Variants in MORN1 observed in about 807,000 individuals in gnomAD.
MORN1 encodes MORN repeat-containing protein 1.
A neutral mutation model predicts 61.9 loss-of-function variants in MORN1; 67 were observed. The ratio of observed to expected loss-of-function variants is 1.08; its 90% CI spans 0.89 to 1.33. The LOEUF is 1.33. MORN1 is among the 40% of genes most tolerant of loss of function. The pLI is 0.00. For missense variants in MORN1, 752 were observed against 691.2 expected, an observed-to-expected ratio of 1.09 and a Z score of -0.99; for synonymous variants, 301 against 292.0, an observed-to-expected ratio of 1.03 and a Z score of -0.31.
At chr1:2,362,447 T>C (rs1403818944) in intron 8 of MORN1, among the ~76,000 whole-genome samples, 1 of 151,636 alleles carries the variant, frequency 6.6e-6, no homozygotes, top group African/African-American at 2.4e-5. Context: ...TGTACAGCTA[T>C]AGAAGCCATC....
chr1:2,343,333 G>T (rs1321361328), intron 10 of MORN1, among the ~76,000 whole-genome samples: 1 of 152,166 alleles, frequency 6.6e-6, no homozygotes, highest in African/African-American at 2.4e-5. Flanking sequence ...CCACAAAGCT[G>T]TCTGTGTAGC....
Position 2,382,795 on chromosome 1 carries a change from G to A in MORN1, c.537+2183C>T, listed in dbSNP as rs189128311. Among the ~76,000 whole-genome samples, 14 of 152,322 alleles carry A rather than the reference G, an allele frequency of 9.2e-5. No individual in the cohort carries two copies. In the East Asian group the frequency reaches 1.5e-3, roughly 17 times the overall value. On this transcript the variant is annotated intron_variant, in intron 6 of 13. Coordinates refer to ENST00000378531, the MANE Select transcript of MORN1 (RefSeq NM_024848.3). The stretch of plus-strand genomic sequence containing the variant: ...AGCCCAGGCCAGCAGGGGCAGCAAC[G>A]ACGCTGACATGGGCTCCCGTGGTCC...
intron 10 of MORN1, among the ~76,000 whole-genome samples, chr1:2,348,532 C>T (rs1254158712): frequency 6.6e-6 from 1 of 152,200 alleles, no homozygotes; most frequent in Non-Finnish European, 1.5e-5. Context: ...GTGTCCGCTC[C>T]TGCCTGCTGG....
chr1:2,324,069 G>T (rs762877545), intron 13 of MORN1, 28 bp downstream of exon 13: 1 of 1,583,576 alleles, frequency 6.3e-7, no homozygotes, highest in African/African-American at 1.3e-5. Context: ...GGCACAGCCG[G>T]CGATGGACTT....
intron 13 of MORN1, chr1:2,323,102 C>T (rs1040281322): frequency 2.4e-5 from 24 of 985,420 alleles, no homozygotes; most frequent in Middle Eastern, 1.0e-3. Context: ...CGATTCCTGT[C>T]ACTGCAGAGA....
At chr1:2,355,124 T>G in intron 10 of MORN1, 1 of 1,072,758 alleles carries the variant, frequency 9.3e-7, no homozygotes, top group South Asian at 3.2e-5. Context: ...ACGAGGCTGG[T>G]TTCAATCGAG....
chr1:2,362,818 C>T (rs970889126), intron 8 of MORN1, among the ~76,000 whole-genome samples: 3 of 151,914 alleles, frequency 2.0e-5, no homozygotes, highest in South Asian at 2.1e-4. Flanking sequence ...GAGCCGAGAT[C>T]GCGCCATTGC....
At chr1:2,375,039 C>A (rs933401141) in intron 6 of MORN1, 1 of 153,098 alleles carries the variant, frequency 6.5e-6, no homozygotes, top group African/African-American at 2.4e-5. Flanking sequence ...AAAATGTGCC[C>A]GTGAGCTTGG....
Position 2,321,429 on chromosome 1 carries a change from C to A in MORN1, c.1448G>T (p.Trp483Leu). The A allele has an allele frequency of 1.3e-6, 2 of 1,541,278 alleles. No individual in the cohort carries two copies. The highest frequency in any genetic ancestry group is 2.4e-5 in the South Asian group (2 of 83,458). Residue 483 changes from tryptophan to leucine, a missense_variant, in exon 14 of 14, where the codon TGG (tryptophan) becomes TTG (leucine). Transcript: ENST00000378531. ...TGGGGTGCAGCTGTGGGCGGCCTGC[C>A]AGCTGCTTGAGGCTTCAGGGCCTTC... is the stretch of plus-strand genomic sequence containing the variant. ...LEEGPEASSS[W>L]QAAHSCTPEP...
At chr1:2,336,875 C>T (rs763687763) in intron 10 of MORN1, 25 bp from the exon 11 acceptor site, 2 of 1,530,884 alleles carry the variant, frequency 1.3e-6, no homozygotes, top group South Asian at 2.6e-5. Flanking sequence ...TGAAGAAAGA[C>T]CCTATGAGGG....
At chr1:2,323,682 C>A in intron 13 of MORN1, 2 of 985,254 alleles carry the variant, frequency 2.0e-6, no homozygotes, top group Non-Finnish European at 2.4e-6. Context: ...AGGAGCCTTC[C>A]GCCCAGCCCA....
chr1:2,349,428 G>A (rs899943438), intron 10 of MORN1, among the ~76,000 whole-genome samples: 3 of 152,222 alleles, frequency 2.0e-5, no homozygotes, highest in Non-Finnish European at 4.4e-5. Flanking sequence ...TCCCTGCTTA[G>A]TTTTAGCCAC....
intron 6 of MORN1, among the ~76,000 whole-genome samples, chr1:2,382,920 A>G (rs1349971437): frequency 6.6e-6 from 1 of 152,102 alleles, no homozygotes; most frequent in African/African-American, 2.4e-5. Flanking sequence ...CTGTTTCAAG[A>G]GCAGGGAGGG....
rs372417316 is a variant in MORN1 at position 2,321,392 on chromosome 1, C to A, written c.1485G>T (p.Ala495=). 43 of 1,524,542 alleles carry A rather than the reference C, an allele frequency of 2.8e-5. No individual in the cohort carries two copies. Among genetic ancestry groups the A allele is most frequent in the Non-Finnish European group, 3.7e-5 (42 of 1,135,928 alleles). 94.4% of individuals were successfully genotyped at this position (1,524,542 alleles called of 1,614,324 possible). ...CTGTGGACACGGGGCCTCACCGAGGCGCTGGCGGCTCTGGGGTGCAGCTGT... is the reference window on the plus strand; with the variant it reads ...CTGTGGACACGGGGCCTCACCGAGGAGCTGGCGGCTCTGGGGTGCAGCTGT... ...AAHSCTPEPP[A]PR Residue 495 remains alanine (A), a synonymous_variant, in exon 14 of 14, where the codon GCG becomes GCT. Transcript: ENST00000378531.
At chr1:2,369,899 C>T (rs1308834411) in intron 8 of MORN1, among the ~76,000 whole-genome samples, 1 of 152,216 alleles carries the variant, frequency 6.6e-6, no homozygotes, top group African/African-American at 2.4e-5. Context: ...GGTAAGATTT[C>T]ATCTGGACAT....
At chr1:2,340,626 G>A (rs1641375234) in intron 10 of MORN1, among the ~76,000 whole-genome samples, 1 of 152,220 alleles carries the variant, frequency 6.6e-6, no homozygotes, top group African/African-American at 2.4e-5. Context: ...GCACATGGAG[G>A]ACTCAAGGCA....
At chr1:2,370,716 C>T (rs1385399265) in intron 8 of MORN1, among the ~76,000 whole-genome samples, 1 of 150,688 alleles carries the variant, frequency 6.6e-6, no homozygotes, top group Non-Finnish European at 1.5e-5. Context: ...CCCTCTGTCA[C>T]CCAGGCTAGA....
chr1:2,359,220 G>A lies in MORN1; in HGVS notation c.746-505C>T, dbSNP rs912810346. Among the ~76,000 whole-genome samples the A allele has an allele frequency of 4.6e-5, 7 of 152,048 alleles. 1 individual carries two copies. The highest frequency in any genetic ancestry group is 3.9e-4 in the Admixed American group (6 of 15,278). On this transcript the variant is annotated intron_variant, in intron 8 of 13. Coordinates refer to ENST00000378531, the MANE Select transcript of MORN1 (RefSeq NM_024848.3). The stretch of plus-strand genomic sequence containing the variant: ...CACCCTGGCAGATAGCAGGCTCTCC[G>A]TGCCCATCTCCCACCTTGACCCGGG...
In MORN1 at chr1:2,391,498, G is replaced by A; in HGVS notation, c.36C>T (p.Arg12=). Reference sequence around the variant, plus strand: ...GCCTAGGCGGGTCCCGACGCGGCCCGCGGGAGCTCGGGGTGCCCTCGCCCG... The same window carrying A: ...GCCTAGGCGGGTCCCGACGCGGCCCACGGGAGCTCGGGGTGCCCTCGCCCG... The part of the protein sequence containing the change: ...AAAGEGTPSS[R]GPRRDPPRRP... Residue 12 remains arginine, a synonymous_variant, in exon 1 of 14, where the codon CGC becomes CGT. Transcript: ENST00000378531. The A allele has an allele frequency of 8.0e-7, 1 of 1,251,370 alleles. No individual in the cohort carries two copies. Among genetic ancestry groups the A allele is most frequent in the South Asian group, 3.4e-5 (1 of 29,352 alleles). 77.5% of individuals were successfully genotyped at this position (1,251,370 alleles called of 1,614,324 possible). A position where few individuals can be genotyped will look rare whatever the true frequency, so the allele number is the denominator to read the frequency against.
Sources: gnomAD v4.1 joint callset for allele counts (sites outside exome capture counted in the v4.1 genomes callset) on GRCh38, gnomAD v4.1.1 for gene constraint, MANE v1.5 for transcripts, NCBI Gene and HGNC (gene_info 2026-07-23, HGNC 2026-07-21) for gene names.